The following TET1 variants were observed in gnomAD, a reference collection of about 807,000 sequenced individuals.
TET1 encodes methylcytosine dioxygenase TET1.
In TET1, 13 loss-of-function variants were observed where a neutral mutation model predicts 148.7. The observed-to-expected ratio is 0.09, with a 90% confidence interval of 0.06 to 0.14. The LOEUF (loss-of-function observed/expected upper bound fraction) is 0.14, where lower values mean the gene tolerates loss of function less well. Ranked by LOEUF, TET1 falls within the 10% of genes least tolerant of loss-of-function variation. TET1 has a pLI of 1.00. For synonymous variants in TET1, 907 were observed against 937.2 expected, an observed-to-expected ratio of 0.97 and a Z score of 0.59; for missense variants, 2,182 against 2,553.8, an observed-to-expected ratio of 0.85 and a Z score of 3.14.
intron 3 of TET1, among the ~76,000 whole-genome samples, chr10:68,643,833 A>T (rs2133079316): frequency 6.6e-6 from 1 of 152,296 alleles, no homozygotes; most frequent in Non-Finnish European, 1.5e-5. Context: ...AATTATTTAA[A>T]ACATAAAATA....
At chr10:68,641,852 A>G (rs1450597958) in intron 3 of TET1, among the ~76,000 whole-genome samples, 1 of 152,128 alleles carries the variant, frequency 6.6e-6, no homozygotes, top group Non-Finnish European at 1.5e-5. Context: ...TGGCTGGGGA[A>G]CAGTGGCATA....
chr10:68,664,413 AT>A (rs67844953), intron 6 of TET1, among the ~76,000 whole-genome samples: 1 of 149,486 alleles, frequency 6.7e-6, no homozygotes, highest in Admixed American at 6.7e-5. Flanking sequence ...TTATTTTTTT[AT>A]TTTTTTTAAT....
intron 3 of TET1, among the ~76,000 whole-genome samples, chr10:68,634,174 C>A (rs2054617471): frequency 6.6e-6 from 1 of 152,154 alleles, no homozygotes; most frequent in South Asian, 2.1e-4. Flanking sequence ...CAGGCATGAG[C>A]CACCGCAACT....
intron 1 of TET1, among the ~76,000 whole-genome samples, chr10:68,569,376 G>A (rs1443550524): frequency 1.3e-5 from 2 of 151,640 alleles, no homozygotes; most frequent in African/African-American, 4.8e-5. Context: ...GGGTTTCACC[G>A]TGTTAGCCAG....
chr10:68,670,332 T>C (rs2133187920), intron 7 of TET1, among the ~76,000 whole-genome samples: 1 of 152,330 alleles, frequency 6.6e-6, no homozygotes, highest in Non-Finnish European at 1.5e-5. Context: ...TGTCATGACA[T>C]TGAAATTTTT....
At position 68,692,073 on chromosome 10, in the gene TET1, T is replaced by C; in HGVS notation, c.*259T>C. On this transcript the variant is annotated 3_prime_UTR_variant, in exon 12 of 12. Coordinates refer to ENST00000373644, the MANE Select transcript of TET1 (RefSeq NM_030625.3). The stretch of plus-strand genomic sequence containing the variant: ...ATAAAGAAATGTTTCAGTTAGGCAT[T>C]AACCTTGATAGAATCACTCAGTTTG... 2.3e-6 allele frequency: 1 copy of C among 436,272 alleles called. No individual in the cohort carries two copies. Among genetic ancestry groups the C allele is most frequent in the East Asian group, 3.6e-5 (1 of 27,718 alleles). The allele number at this position is 436,272 out of a possible 1,614,324, so 27.0% of individuals were successfully genotyped here.
chr10:68,603,073 G>T (rs1275409775), intron 3 of TET1, among the ~76,000 whole-genome samples: 1 of 152,194 alleles, frequency 6.6e-6, no homozygotes, highest in Non-Finnish European at 1.5e-5. Context: ...TCAGCTTGAG[G>T]TTTTATGAGT....
chr10:68,662,488 TTA>T (rs1454211529), intron 6 of TET1, among the ~76,000 whole-genome samples: 5 of 144,414 alleles, frequency 3.5e-5, no homozygotes, highest in Non-Finnish European at 7.5e-5. Flanking sequence ...TTATTAATTT[TTA>T]TTTCTTCCAT....
chr10:68,565,203 A>G (rs2053592810), intron 1 of TET1, among the ~76,000 whole-genome samples: 5 of 152,088 alleles, frequency 3.3e-5, no homozygotes, highest in Admixed American at 3.3e-4. Context: ...TTTTCTGGAC[A>G]TGGTGGCCCA....
In TET1 at chr10:68,673,938, TTTTTTTTTTCTTTTTCTTTTTC is replaced by T. The variant is rs1464451245; in HGVS notation, c.4824+903_4824+924del. Among the ~76,000 whole-genome samples, 453 of 142,344 alleles carry T rather than the reference TTTTTTTTTTCTTTTTCTTTTTC, an allele frequency of 3.2e-3. 1 individual carries two copies. The highest frequency in any genetic ancestry group is 0.011 in the African/African-American group (436 of 38,288). The allele number at this position is 142,344 out of a possible 152,430, so 93.4% of individuals were successfully genotyped here. ...TTTATCAGATTTCTTTCTTTTTCTTTTTTTTTTTTCTTTTTCTTTTTCTTTTTTTTTTTTTTTTTTGAGACAG... is the reference window on the plus strand; with the variant it reads ...TTTATCAGATTTCTTTCTTTTTCTTTTTTTTTTTTTTTTTTTTTGAGACAG... On this transcript the variant is annotated intron_variant, in intron 8 of 11. Transcript: ENST00000373644.
intron 3 of TET1, among the ~76,000 whole-genome samples, chr10:68,604,699 A>T (rs1008986321): frequency 1.2e-4 from 19 of 152,178 alleles, no homozygotes; most frequent in Non-Finnish European, 8.8e-5. Context: ...AGGTTATGGA[A>T]GGTGGAATGT....
chr10:68,651,779 G>C (rs12243354), intron 4 of TET1, 67 bp from the exon 5 acceptor site: 2 of 1,155,958 alleles, frequency 1.7e-6, no homozygotes, highest in South Asian at 3.3e-5. Flanking sequence ...AAGTATAAAA[G>C]TAGCTTCTCC....
rs374183683 is a variant in TET1, at chr10:68,645,128, A to G, written c.2399A>G (p.His800Arg). Residue 800 changes from histidine (H) to arginine (R), a missense_variant, in exon 4 of 12, where the codon CAT becomes CGT. Transcript: ENST00000373644. Reference protein sequence around the residue: ...SYKFLKDTANHKNAMSSVATD... With the variant: ...SYKFLKDTANRKNAMSSVATD... ...AAATTCCTAAAAGACACTGCAAACC[A>G]TAAAAACGCTATGAGCTCTGTTGCT... 6.2e-6 allele frequency: 10 copies of G among 1,613,870 alleles called. No individual in the cohort carries two copies. Among genetic ancestry groups the G allele is most frequent in the Non-Finnish European group, 4.2e-6 (5 of 1,179,750 alleles).
chr10:68,652,452 A>G (rs1177033715), intron 5 of TET1, 49 bp from the exon 6 acceptor site: 1 of 1,378,792 alleles, frequency 7.3e-7, no homozygotes, highest in East Asian at 2.4e-5. Flanking sequence ...GCCTTCAAGT[A>G]CAGATTGCAA....
At chr10:68,630,118 G>C (rs2054547870) in intron 3 of TET1, among the ~76,000 whole-genome samples, 1 of 152,160 alleles carries the variant, frequency 6.6e-6, no homozygotes, top group Non-Finnish European at 1.5e-5. Context: ...TGAGGCAGAA[G>C]GAGTATGAGT....
intron 2 of TET1, among the ~76,000 whole-genome samples, chr10:68,581,258 C>T (rs2053794058): frequency 6.6e-6 from 1 of 152,128 alleles, no homozygotes; most frequent in African/African-American, 2.4e-5. Context: ...TCAGCTTACT[C>T]TTCTTGATGT....
At chr10:68,655,401 G>A (rs890426071) in intron 6 of TET1, among the ~76,000 whole-genome samples, 14 of 152,096 alleles carry the variant, frequency 9.2e-5, no homozygotes, top group African/African-American at 1.7e-4. Flanking sequence ...AATATCTGGC[G>A]CTGATAGTTG....
At chr10:68,594,684 A>C (rs1016198183) in intron 2 of TET1, among the ~76,000 whole-genome samples, 3 of 152,126 alleles carry the variant, frequency 2.0e-5, no homozygotes, top group Admixed American at 1.3e-4. Flanking sequence ...AGCTTTTTTA[A>C]ATCTATGAGA....
At chr10:68,655,395 T>A (rs7097157) in intron 6 of TET1, among the ~76,000 whole-genome samples, 27,700 of 152,126 alleles carry the variant, frequency 0.18, 3,137 homozygotes, top group African/African-American at 0.31. Flanking sequence ...GTTCCCAATA[T>A]CTGGCGCTGA....
Sources: allele counts gnomAD v4.1 joint callset (sites outside exome capture counted in the v4.1 genomes callset), GRCh38; gene constraint gnomAD v4.1.1; transcripts MANE v1.5; gene names NCBI Gene and HGNC (gene_info 2026-07-23, HGNC 2026-07-21).